The following RANBP10 variants were observed in gnomAD, a reference collection of about 807,000 sequenced individuals.
RANBP10 encodes the protein RAN binding protein 10.
In RANBP10, 24 loss-of-function variants were observed where a neutral mutation model predicts 72.8. That is an observed-to-expected ratio of 0.33 (90% CI 0.24 to 0.46). The LOEUF is 0.46. Ranked by LOEUF, RANBP10 falls within the 20% of genes least tolerant of loss-of-function variation. The probability of loss-of-function intolerance (pLI) is 1.00; values close to 1 mark genes in which losing one functional copy is unlikely to be tolerated. For synonymous variants in RANBP10, 310 were observed against 322.3 expected (o/e 0.96, Z 0.41); for missense variants, 679 against 817.5 (o/e 0.83, Z 2.07).
chr16:67,770,468 T>G (rs982982085), intron 3 of RANBP10, among the ~76,000 whole-genome samples: 1 of 151,762 alleles, frequency 6.6e-6, no homozygotes, highest in Non-Finnish European at 1.5e-5. Context: ...ACATTAAACA[T>G]TGATTAGAAA....
chr16:67,775,446 C>A (rs2054686511), intron 2 of RANBP10, among the ~76,000 whole-genome samples: 1 of 151,992 alleles, frequency 6.6e-6, no homozygotes, highest in Non-Finnish European at 1.5e-5. Context: ...TGCAATCAGA[C>A]AAGAAAAAGG....
At chr16:67,784,459 C>G (rs987692646) in intron 2 of RANBP10, among the ~76,000 whole-genome samples, 1 of 152,136 alleles carries the variant, frequency 6.6e-6, no homozygotes, top group African/African-American at 2.4e-5. Context: ...GAGTTTGAGA[C>G]CAGCCTGACC....
chr16:67,743,454 AG>A (rs2054008047), intron 4 of RANBP10, among the ~76,000 whole-genome samples: 1 of 152,180 alleles, frequency 6.6e-6, no homozygotes, highest in Admixed American at 6.5e-5. Flanking sequence ...AGCACCTGGT[AG>A]GCACGGCATC....
intron 4 of RANBP10, among the ~76,000 whole-genome samples, chr16:67,743,460 G>A (rs2054008185): frequency 6.6e-6 from 1 of 152,116 alleles, no homozygotes; most frequent in African/African-American, 2.4e-5. Flanking sequence ...TGGTAGGCAC[G>A]GCATCAGAAT....
At chr16:67,726,587 T>C (rs1270658892) in intron 13 of RANBP10, 29 bp from the exon 14 acceptor site, 1 of 1,539,518 alleles carries the variant, frequency 6.5e-7, no homozygotes, top group Non-Finnish European at 8.8e-7. Context: ...GCCTGGTCAC[T>C]GGCCTGCCCA....
At chr16:67,742,199 C>T (rs889866303) in intron 4 of RANBP10, among the ~76,000 whole-genome samples, 1 of 151,952 alleles carries the variant, frequency 6.6e-6, no homozygotes, top group Non-Finnish European at 1.5e-5. Flanking sequence ...CGTGAGCCAC[C>T]GCGCTCGGCC....
At chr16:67,741,800 G>A (rs2053974884) in intron 4 of RANBP10, among the ~76,000 whole-genome samples, 2 of 152,196 alleles carry the variant, frequency 1.3e-5, no homozygotes, top group South Asian at 2.1e-4. Context: ...GAGGAAAGGA[G>A]CAGGGAGGCC....
chr16:67,744,979 A>G (rs1597848371), intron 3 of RANBP10, among the ~76,000 whole-genome samples: 1 of 149,620 alleles, frequency 6.7e-6, no homozygotes, highest in African/African-American at 2.4e-5. Context: ...GCCTGCCACA[A>G]CGCCCGGCTA....
chr16:67,798,192 G>C (rs1217223947), intron 2 of RANBP10, among the ~76,000 whole-genome samples: 23 of 152,042 alleles, frequency 1.5e-4, no homozygotes, highest in Admixed American at 1.5e-3. Context: ...TCAACTCCGG[G>C]GGGCAGTAAG....
chr16:67,731,225 C>T (rs1181046708), intron 7 of RANBP10: 8 of 434,858 alleles, frequency 1.8e-5, no homozygotes, highest in Non-Finnish European at 2.9e-5. Flanking sequence ...CATGCCAGGG[C>T]CTGGCCTGCG....
chr16:67,774,655 A>G (rs904506367), intron 2 of RANBP10, among the ~76,000 whole-genome samples: 1 of 152,168 alleles, frequency 6.6e-6, no homozygotes, highest in African/African-American at 2.4e-5. Flanking sequence ...CTAGGTGTCA[A>G]TGACACAGGG....
intron 2 of RANBP10, among the ~76,000 whole-genome samples, chr16:67,784,703 C>T (rs1001425573): frequency 1.3e-5 from 2 of 152,106 alleles, no homozygotes; most frequent in South Asian, 2.1e-4. Context: ...CCTGTAATCC[C>T]GGCTACTCGG....
Position 67,806,283 on chromosome 16 carries a change from C to T in RANBP10, c.235+19G>A. 2.5e-6 allele frequency: 4 copies of T among 1,594,524 alleles called. No homozygotes were observed. Among genetic ancestry groups the T allele is most frequent in the East Asian group, 2.3e-5 (1 of 43,952 alleles). Reference sequence around the variant, plus strand: ...CGGACGCTCTAGCCTTAATTCCCCCCAGCCTGACGGGCCGATACCTTTGTA... The same window carrying T: ...CGGACGCTCTAGCCTTAATTCCCCCTAGCCTGACGGGCCGATACCTTTGTA... On this transcript the variant is annotated intron_variant, in intron 1 of 13. Transcript: ENST00000317506.
intron 4 of RANBP10, among the ~76,000 whole-genome samples, chr16:67,742,939 C>T (rs2053997297): frequency 6.6e-6 from 1 of 152,216 alleles, no homozygotes; most frequent in African/African-American, 2.4e-5. Flanking sequence ...CAACTGCAGC[C>T]AGGTGGTCAT....
At chr16:67,744,199 C>T (rs764058647) in intron 4 of RANBP10, 89 bp downstream of exon 4, 36 of 1,533,752 alleles carry the variant, frequency 2.3e-5, no homozygotes, top group East Asian at 6.8e-5. Context: ...TCAGCAGAGG[C>T]GACACTGCCT....
intron 3 of RANBP10, among the ~76,000 whole-genome samples, chr16:67,761,618 G>A (rs1296159133): frequency 6.6e-6 from 1 of 152,028 alleles, no homozygotes; most frequent in Non-Finnish European, 1.5e-5. Flanking sequence ...CACCCAGGCT[G>A]GAGTGCAGTG....
intron 4 of RANBP10, 176 bp downstream of exon 4, chr16:67,744,112 A>G: frequency 1.0e-6 from 1 of 985,454 alleles, no homozygotes; most frequent in Non-Finnish European, 1.2e-6. Flanking sequence ...TGGCTGGATG[A>G]ACAAAGGCGT....
intron 2 of RANBP10, among the ~76,000 whole-genome samples, chr16:67,784,796 G>A (rs2054880076): frequency 6.6e-6 from 1 of 151,776 alleles, no homozygotes; most frequent in African/African-American, 2.4e-5. Context: ...TCCAGCCTGG[G>A]TGACAAGAGC....
At chr16:67,728,546 G>A in intron 10 of RANBP10, 35 bp from the exon 11 acceptor site, 1 of 1,613,680 alleles carries the variant, frequency 6.2e-7, no homozygotes. Flanking sequence ...GTTGGCCCAG[G>A]GGGTGTGGTT....
Sources: gnomAD v4.1 joint callset for allele counts (sites outside exome capture counted in the v4.1 genomes callset) on GRCh38, gnomAD v4.1.1 for gene constraint, MANE v1.5 for transcripts, NCBI Gene and HGNC (gene_info 2026-07-23, HGNC 2026-07-21) for gene names.